The following TNS3 variants were observed in gnomAD, a reference collection of about 807,000 sequenced individuals.
The protein encoded by TNS3 is tensin 3.
TNS3 carries 45 observed loss-of-function variants against 140.9 expected under a neutral mutation model. The observed-to-expected ratio is 0.32, with a 90% confidence interval of 0.25 to 0.41. The LOEUF is 0.41. Among genes scored for constraint, TNS3 ranks in the 10% least tolerant of loss-of-function variants. TNS3 has a pLI of 1.00. For missense variants in TNS3, 1,716 were observed against 1,906.7 expected (o/e 0.90, Z 1.86); for synonymous variants, 815 against 788.4 (o/e 1.03, Z -0.56).
chr7:47,430,933 G>A (rs903452403), intron 8 of TNS3, among the ~76,000 whole-genome samples: 4 of 151,984 alleles, frequency 2.6e-5, no homozygotes, highest in African/African-American at 9.7e-5. Context: ...ATGTTGGCCA[G>A]GCTGGTCTCG....
At position 47,370,185 on chromosome 7, in the gene TNS3, A is replaced by T. The variant is rs554914523; in HGVS notation, c.1025-564T>A. 3.3e-5 allele frequency among the ~76,000 whole-genome samples: 5 copies of T among 152,290 alleles called. No individual in the cohort carries two copies. In the East Asian group the frequency reaches 9.7e-4, roughly 29 times the overall value. On this transcript the variant is annotated intron_variant, in intron 16 of 30. Coordinates refer to ENST00000311160, the MANE Select transcript of TNS3 (RefSeq NM_022748.12). ...CAGCTACTCGGGAGGCTGAGTCAGG[A>T]GAATCACTTGAACCTGGGAGGCAGA...
chr7:47,402,936 G>A (rs536479146), intron 13 of TNS3, among the ~76,000 whole-genome samples: 23 of 152,290 alleles, frequency 1.5e-4, no homozygotes, highest in African/African-American at 2.9e-4. Flanking sequence ...TGCCATGGGC[G>A]CCAACATTTG....
chr7:47,425,610 C>T (rs370183609), intron 9 of TNS3, among the ~76,000 whole-genome samples: 1 of 152,228 alleles, frequency 6.6e-6, no homozygotes, highest in Non-Finnish European at 1.5e-5. Context: ...GAGTCCATCA[C>T]ATACTGAGCA....
At chr7:47,538,165 G>A (rs1799673391) in intron 1 of TNS3, among the ~76,000 whole-genome samples, 1 of 152,150 alleles carries the variant, frequency 6.6e-6, no homozygotes, top group African/African-American at 2.4e-5. Context: ...AACGCCAGGA[G>A]GAGAGGCGGG....
intron 3 of TNS3, among the ~76,000 whole-genome samples, chr7:47,482,051 C>T (rs752640329): frequency 6.6e-6 from 1 of 152,178 alleles, no homozygotes; most frequent in Non-Finnish European, 1.5e-5. Context: ...TCTGGGGGGC[C>T]GCTCAGGAGC....
intron 9 of TNS3, among the ~76,000 whole-genome samples, chr7:47,426,239 G>A (rs1177291537): frequency 1.3e-5 from 2 of 152,034 alleles, no homozygotes; most frequent in Non-Finnish European, 2.9e-5. Context: ...CCAAGATCAC[G>A]CCACTGCACT....
intron 20 of TNS3, among the ~76,000 whole-genome samples, chr7:47,341,850 T>G (rs1378271090): frequency 6.6e-6 from 1 of 152,068 alleles, no homozygotes; most frequent in Non-Finnish European, 1.5e-5. Context: ...AAATTTCCTC[T>G]CAGTGCGGCT....
At chr7:47,562,230 GA>G (rs1351794773) in intron 1 of TNS3, among the ~76,000 whole-genome samples, 1 of 152,124 alleles carries the variant, frequency 6.6e-6, no homozygotes, top group Non-Finnish European at 1.5e-5. Flanking sequence ...TCTGGAAATG[GA>G]AAAGCCAGCT....
intron 1 of TNS3, among the ~76,000 whole-genome samples, chr7:47,566,838 G>C (rs1267931305): frequency 2.0e-5 from 3 of 151,956 alleles, no homozygotes; most frequent in East Asian, 1.9e-4. Flanking sequence ...GCAGGAGTTC[G>C]AGACCAGCCT....
chr7:47,458,268 C>T (rs529748179), intron 4 of TNS3, among the ~76,000 whole-genome samples: 1 of 152,370 alleles, frequency 6.6e-6, no homozygotes, highest in African/African-American at 2.4e-5. Flanking sequence ...AACTCCCACA[C>T]ACACACGCCA....
At chr7:47,500,949 G>A (rs1025892134) in intron 3 of TNS3, among the ~76,000 whole-genome samples, 3 of 152,096 alleles carry the variant, frequency 2.0e-5, no homozygotes, top group Admixed American at 6.5e-5. Context: ...ATAGCCAGGC[G>A]TGTTGGCACA....
At chr7:47,461,114 A>G (rs1796472523) in intron 4 of TNS3, among the ~76,000 whole-genome samples, 1 of 152,234 alleles carries the variant, frequency 6.6e-6, no homozygotes, top group African/African-American at 2.4e-5. Context: ...GGAAGCTTAC[A>G]GTGAGATGAG....
chr7:47,438,039 AAATAAT>A (rs56039512), intron 6 of TNS3, among the ~76,000 whole-genome samples: 6,967 of 147,638 alleles, frequency 0.047, 299 homozygotes, highest in East Asian at 0.2. Flanking sequence ...TTCAAAATGA[AAATAAT>A]AATAATAATA....
intron 20 of TNS3, among the ~76,000 whole-genome samples, chr7:47,322,659 A>G (rs1198745663): frequency 6.6e-6 from 1 of 152,214 alleles, no homozygotes; most frequent in Non-Finnish European, 1.5e-5. Flanking sequence ...GAAAGCCTGT[A>G]TATGACGAAC....
intron 9 of TNS3, among the ~76,000 whole-genome samples, chr7:47,427,473 A>C (rs922463505): frequency 6.6e-6 from 1 of 152,240 alleles, no homozygotes; most frequent in Non-Finnish European, 1.5e-5. Flanking sequence ...CAGGCTTTAC[A>C]AAGAGGCCAT....
chr7:47,386,180 C>T (rs920603736), intron 16 of TNS3, among the ~76,000 whole-genome samples: 1 of 152,216 alleles, frequency 6.6e-6, no homozygotes, highest in Non-Finnish European at 1.5e-5. Flanking sequence ...AAACACTAAA[C>T]ACATCTCTGG....
intron 21 of TNS3, among the ~76,000 whole-genome samples, chr7:47,303,914 TTCG>T (rs1438722780): frequency 6.6e-6 from 1 of 152,152 alleles, no homozygotes; most frequent in Non-Finnish European, 1.5e-5. Flanking sequence ...TCAAGGCCCT[TTCG>T]TCCTTTAAGA....
At chr7:47,383,845 T>C (rs1326076861) in intron 16 of TNS3, among the ~76,000 whole-genome samples, 1 of 151,680 alleles carries the variant, frequency 6.6e-6, no homozygotes, top group African/African-American at 2.4e-5. Flanking sequence ...TAGTGCAGGG[T>C]TCCAGGCCAA....
intron 3 of TNS3, among the ~76,000 whole-genome samples, chr7:47,485,530 G>C (rs936026156): frequency 2.6e-5 from 4 of 152,228 alleles, no homozygotes; most frequent in African/African-American, 9.6e-5. Context: ...GACAAGAGGT[G>C]ACAACAGTGA....
Sources: gnomAD v4.1 joint callset for allele counts (sites outside exome capture counted in the v4.1 genomes callset) on GRCh38, gnomAD v4.1.1 for gene constraint, MANE v1.5 for transcripts, NCBI Gene and HGNC (gene_info 2026-07-23, HGNC 2026-07-21) for gene names.